Variants in CSMD2 observed in about 807,000 individuals in gnomAD.
The protein encoded by CSMD2 is CUB and Sushi multiple domains 2.
A neutral mutation model predicts 398.5 loss-of-function variants in CSMD2; 130 were observed. That is an observed-to-expected ratio of 0.33 (90% CI 0.28 to 0.38). CSMD2 has a LOEUF of 0.38. Among genes scored for constraint, CSMD2 ranks in the 10% least tolerant of loss-of-function variants. CSMD2 has a pLI of 1.00. For synonymous variants in CSMD2, 1,828 were observed against 1,908.5 expected, an observed-to-expected ratio of 0.96 and a Z score of 1.10; for missense variants, 3,829 against 4,764.9, an observed-to-expected ratio of 0.80 and a Z score of 5.78.
At chr1:33,814,733 A>G (rs1657261835) in intron 9 of CSMD2, among the ~76,000 whole-genome samples, 1 of 152,128 alleles carries the variant, frequency 6.6e-6, no homozygotes, top group Non-Finnish European at 1.5e-5. Flanking sequence ...GGGCCTTGCT[A>G]TCCTGGGAGC....
In CSMD2 at chr1:34,152,807, T is replaced by A. The variant is rs191756623; in HGVS notation, c.187+12104A>T. Among the ~76,000 whole-genome samples, 422 of 152,262 alleles carry A rather than the reference T, an allele frequency of 2.8e-3. 2 individuals carry two copies. Among genetic ancestry groups the A allele is most frequent in the Non-Finnish European group, 3.8e-3 (256 of 68,024 alleles). On this transcript the variant is annotated intron_variant, in intron 1 of 70. Coordinates refer to ENST00000373381, the MANE Select transcript of CSMD2 (RefSeq NM_001281956.2). ...GTCCATTCACACTGTTGAGCTAACA[T>A]CACCCACCATCCATCCACAGATCTC...
intron 3 of CSMD2, among the ~76,000 whole-genome samples, chr1:33,970,531 T>C (rs1645723132): frequency 6.6e-6 from 1 of 152,210 alleles, no homozygotes; most frequent in African/African-American, 2.4e-5. Context: ...GGTGCTCTCC[T>C]GGCACATTCC....
chr1:34,085,214 A>T (rs960399270), intron 2 of CSMD2, among the ~76,000 whole-genome samples: 1 of 151,910 alleles, frequency 6.6e-6, no homozygotes, highest in Admixed American at 6.5e-5. Flanking sequence ...GGACCATCAC[A>T]CACCAGGGAC....
intron 1 of CSMD2, among the ~76,000 whole-genome samples, chr1:34,156,090 T>C (rs186994211): frequency 6.6e-6 from 1 of 152,258 alleles, no homozygotes; most frequent in Non-Finnish European, 1.5e-5. Flanking sequence ...GCCACATAGG[T>C]CCCTGGCAGG....
At chr1:33,591,581 A>G (rs1402784067) in intron 44 of CSMD2, among the ~76,000 whole-genome samples, 1 of 152,126 alleles carries the variant, frequency 6.6e-6, no homozygotes, top group East Asian at 1.9e-4. Context: ...TATAAAATAA[A>G]CATTTTCCTA....
At chr1:33,605,786 T>C (rs1474597981) in intron 41 of CSMD2, 19 of 1,169,104 alleles carry the variant, frequency 1.6e-5, no homozygotes, top group Middle Eastern at 2.3e-4. Context: ...CATTGCTCAA[T>C]TGAACCTCTA....
chr1:33,909,274 G>A (rs138639362), intron 5 of CSMD2, among the ~76,000 whole-genome samples: 170 of 152,210 alleles, frequency 1.1e-3, no homozygotes, highest in African/African-American at 3.9e-3. Flanking sequence ...CTTTACATGT[G>A]CAGCTCCCTC....
chr1:33,814,281 C>A (rs1253035303), intron 9 of CSMD2: 3 of 152,146 alleles, frequency 2.0e-5, no homozygotes, highest in Non-Finnish European at 4.4e-5. Context: ...TGCCACCATA[C>A]AGTTGAGCTT....
At position 33,953,524 on chromosome 1, in the gene CSMD2, T is replaced by C. The variant is rs76969895; in HGVS notation, c.518-17570A>G. ...AGCTTGCAGTAGAACCCAATCTCTG[T>C]AGCTCATAGTCCTTATAGAGTCTGT... On this transcript the variant is annotated intron_variant, in intron 3 of 70. Coordinates refer to ENST00000373381, the MANE Select transcript of CSMD2 (RefSeq NM_001281956.2). Among the ~76,000 whole-genome samples the C allele has an allele frequency of 3.3e-4, 51 of 152,300 alleles. No homozygotes were observed. The East Asian group carries it at 8.9e-3, about 27-fold the overall frequency.
At chr1:33,819,986 A>G in intron 8 of CSMD2, 149 bp from the exon 9 acceptor site, 1 of 989,160 alleles carries the variant, frequency 1.0e-6, no homozygotes, top group Non-Finnish European at 1.5e-6. Flanking sequence ...AAAAATCTCC[A>G]TTGGAAGGAA....
intron 1 of CSMD2, among the ~76,000 whole-genome samples, chr1:34,130,831 C>T (rs1663271132): frequency 6.6e-6 from 1 of 152,208 alleles, no homozygotes; most frequent in South Asian, 2.1e-4. Context: ...AGCCCGTTTT[C>T]AAGGGCCTCC....
chr1:33,647,227 A>G (rs971255247), intron 28 of CSMD2, among the ~76,000 whole-genome samples: 1 of 152,060 alleles, frequency 6.6e-6, no homozygotes, highest in Non-Finnish European at 1.5e-5. Flanking sequence ...TCTGAACCTC[A>G]TTTTCTAAGA....
chr1:33,686,103 T>C (rs186683440), intron 25 of CSMD2, among the ~76,000 whole-genome samples: 92 of 152,304 alleles, frequency 6.0e-4, no homozygotes, highest in Admixed American at 1.4e-3. Flanking sequence ...ATCTATAAAA[T>C]GGGGACAGTA....
intron 3 of CSMD2, among the ~76,000 whole-genome samples, chr1:34,014,410 A>G (rs1647791979): frequency 6.6e-6 from 1 of 152,044 alleles, no homozygotes; most frequent in Admixed American, 6.6e-5. Flanking sequence ...ATCTCTTCCT[A>G]CCACTCGTCT....
intron 13 of CSMD2, among the ~76,000 whole-genome samples, chr1:33,755,856 G>A (rs1469671999): frequency 1.3e-4 from 19 of 151,062 alleles, no homozygotes; most frequent in Non-Finnish European, 1.5e-5. Flanking sequence ...GCGGGGGGAG[G>A]GGGGTCTCAC....
At chr1:33,684,368 C>T (rs1400651903) in intron 25 of CSMD2, among the ~76,000 whole-genome samples, 4 of 152,098 alleles carry the variant, frequency 2.6e-5, no homozygotes, top group East Asian at 1.9e-4. Flanking sequence ...AGCAGAAATC[C>T]GAGTGTCCAG....
chr1:34,076,812 C>T (rs576768975), intron 2 of CSMD2, among the ~76,000 whole-genome samples: 1 of 146,682 alleles, frequency 6.8e-6, no homozygotes, highest in African/African-American at 2.5e-5. Context: ...AGTGACTTGC[C>T]AATGCTATGC....
intron 23 of CSMD2, among the ~76,000 whole-genome samples, chr1:33,699,839 A>G (rs548189019): frequency 2.0e-5 from 3 of 151,940 alleles, no homozygotes; most frequent in Admixed American, 6.5e-5. Context: ...TTTTCCCCCA[A>G]CTCCCTCAGC....
intron 3 of CSMD2, among the ~76,000 whole-genome samples, chr1:33,966,509 TG>T (rs1645562837): frequency 6.6e-6 from 1 of 152,216 alleles, no homozygotes; most frequent in Non-Finnish European, 1.5e-5. Context: ...TTGGGGCTTA[TG>T]TGGCAACTCC....
Sources: gnomAD v4.1 joint callset for allele counts (sites outside exome capture counted in the v4.1 genomes callset) on GRCh38, gnomAD v4.1.1 for gene constraint, MANE v1.5 for transcripts, NCBI Gene and HGNC (gene_info 2026-07-23, HGNC 2026-07-21) for gene names.